The following ANAPC5 variants were observed in gnomAD, a reference collection of about 807,000 sequenced individuals.
The protein encoded by ANAPC5 is anaphase-promoting complex subunit 5.
In ANAPC5, 60 loss-of-function variants were observed where a neutral mutation model predicts 91.3. The ratio of observed to expected loss-of-function variants is 0.66; its 90% confidence interval spans 0.53 to 0.81. ANAPC5 has a LOEUF of 0.81. Ranked by LOEUF, ANAPC5 falls within the 40% of genes least tolerant of loss-of-function variation. The pLI is 0.00. For synonymous variants in ANAPC5, 340 were observed against 364.1 expected (o/e 0.93, Z 0.75); for missense variants, 690 against 931.5 (o/e 0.74, Z 3.37).
intron 16 of ANAPC5, among the ~76,000 whole-genome samples, chr12:121,309,259 A>AC (rs1357575308): frequency 1.3e-5 from 2 of 150,032 alleles, no homozygotes; most frequent in African/African-American, 4.9e-5. Flanking sequence ...GATCAGCCTG[A>AC]CCAACATGGA....
At chr12:121,324,207 G>C (rs1902723038) in intron 11 of ANAPC5, among the ~76,000 whole-genome samples, 1 of 152,044 alleles carries the variant, frequency 6.6e-6, no homozygotes, top group Non-Finnish European at 1.5e-5. Flanking sequence ...CTCTGCAGCT[G>C]GCCAAACTTA....
At chr12:121,312,696 G>T (rs1018030030) in intron 15 of ANAPC5, among the ~76,000 whole-genome samples, 2 of 116,590 alleles carry the variant, frequency 1.7e-5, no homozygotes, top group Admixed American at 1.1e-4. Context: ...GACAGAGCGA[G>T]ACTCTGTCAC....
In ANAPC5 at chr12:121,308,847, G is replaced by A. The variant is rs113776729; in HGVS notation, c.2057-156C>T. Among the ~76,000 whole-genome samples, 16 of 152,262 alleles carry A rather than the reference G, an allele frequency of 1.1e-4. 1 individual carries two copies. The highest frequency in any genetic ancestry group is 3.6e-4 in the African/African-American group (15 of 41,562). ...AGAAAAAACAAACCACTAGGGTGAG[G>A]TTTTCAAAAAGGTCTTTAAGACTGG... On this transcript the variant is annotated intron_variant, in intron 16 of 16. Transcript: ENST00000261819.
At chr12:121,316,723 ACT>A (rs35114805) in intron 15 of ANAPC5, among the ~76,000 whole-genome samples, 5,341 of 123,542 alleles carry the variant, frequency 0.043, 141 homozygotes, top group Middle Eastern at 0.082. Flanking sequence ...ACAGAGCGAG[ACT>A]CTGTCTCAAA....
intron 1 of ANAPC5, 98 bp downstream of exon 1, chr12:121,352,036 T>G: frequency 9.1e-7 from 1 of 1,098,976 alleles, no homozygotes; most frequent in Non-Finnish European, 1.3e-6. Context: ...AGGGAGAGTA[T>G]CTGATGGACA....
chr12:121,329,968 G>A (rs192029502), intron 9 of ANAPC5, among the ~76,000 whole-genome samples: 20 of 152,168 alleles, frequency 1.3e-4, no homozygotes, highest in African/African-American at 3.9e-4. Flanking sequence ...TATAATTCAC[G>A]GCCTTCCCTA....
At chr12:121,319,195 C>T (rs1009266454) in intron 13 of ANAPC5, among the ~76,000 whole-genome samples, 4 of 151,550 alleles carry the variant, frequency 2.6e-5, no homozygotes, top group Admixed American at 6.6e-5. Flanking sequence ...ATGATTATCT[C>T]TGGGAGATAC....
intron 15 of ANAPC5, among the ~76,000 whole-genome samples, chr12:121,317,396 G>A (rs1430032405): frequency 6.6e-6 from 1 of 151,876 alleles, no homozygotes; most frequent in African/African-American, 2.4e-5. Flanking sequence ...TGGGATTACA[G>A]GCACGTGCCA....
chr12:121,342,115 T>C lies in ANAPC5; in HGVS notation c.591-46A>G. 1 of 1,341,324 alleles carries C rather than the reference T, an allele frequency of 7.5e-7. No individual in the cohort carries two copies. The highest frequency in any genetic ancestry group is 1.0e-6 in the Non-Finnish European group (1 of 963,944). The allele number at this position is 1,341,324 out of a possible 1,614,324, so 83.1% of individuals were successfully genotyped here. A position where few individuals can be genotyped will look rare whatever the true frequency, so the allele number is the denominator to read the frequency against. On this transcript the variant is annotated intron_variant, in intron 4 of 16. Transcript: ENST00000261819. This position sits in a 1 kb window ranked among gnomAD's most constrained non-coding sequence, Gnocchi z 4.1. ...AAAATAGTAAAGAATTACACAAAAG[T>C]AAAAATGATAACATTTATAAAATCA...
chr12:121,335,767 C>G, intron 6 of ANAPC5, 44 bp from the exon 7 acceptor site: 1 of 1,527,226 alleles, frequency 6.5e-7, no homozygotes. Context: ...CTGTAAATAT[C>G]TCTGGTGTAA....
At chr12:121,335,785 G>A in intron 6 of ANAPC5, 62 bp from the exon 7 acceptor site, 1 of 1,397,860 alleles carries the variant, frequency 7.2e-7, no homozygotes, top group South Asian at 1.3e-5. Context: ...TAAGACAACT[G>A]CAGAGAGTTC....
intron 11 of ANAPC5, among the ~76,000 whole-genome samples, chr12:121,324,774 C>G (rs1261551826): frequency 6.6e-6 from 1 of 152,118 alleles, no homozygotes; most frequent in Non-Finnish European, 1.5e-5. Context: ...AGGTGGTGTG[C>G]ACCTGTAGTC....
intron 8 of ANAPC5, 29 bp downstream of exon 8, chr12:121,331,305 CAACCCGTGAACAA>C: frequency 6.5e-7 from 1 of 1,540,690 alleles, no homozygotes; most frequent in Non-Finnish European, 8.9e-7. Context: ...AAGGCCAATT[CAACCCGTGAACAA>C]AACTCCCAAG....
chr12:121,331,617 A>G (rs1903045890), intron 7 of ANAPC5, 189 bp from the exon 8 acceptor site: 1 of 439,696 alleles, frequency 2.3e-6, no homozygotes. Flanking sequence ...CAGTGGAAAT[A>G]TAGGACATGT....
In ANAPC5 at chr12:121,327,755, C is replaced by T. The variant is rs553697046; in HGVS notation, c.1305-524G>A. 13 of 155,346 alleles carry T rather than the reference C, an allele frequency of 8.4e-5. No homozygotes were observed. The South Asian group carries it at 1.8e-3, about 21-fold the overall frequency. The allele number at this position is 155,346 out of a possible 1,614,324, so 9.6% of individuals were successfully genotyped here. A position where few individuals can be genotyped will look rare whatever the true frequency, so the allele number is the denominator to read the frequency against. On this transcript the variant is annotated intron_variant, in intron 10 of 16. Coordinates refer to ENST00000261819, the MANE Select transcript of ANAPC5 (RefSeq NM_016237.5). Reference sequence around the variant, plus strand: ...GCGACAGAACTCCAGGATTAAAATGCGGCAACAAAGTTTACTTCCAGGCTA... The same window carrying T: ...GCGACAGAACTCCAGGATTAAAATGTGGCAACAAAGTTTACTTCCAGGCTA...
intron 8 of ANAPC5, 166 bp from the exon 9 acceptor site, chr12:121,330,838 A>C (rs1555272828): frequency 7.2e-6 from 4 of 558,322 alleles, no homozygotes; most frequent in Non-Finnish European, 1.3e-5. Context: ...CAAACATATC[A>C]ACATCATTAA....
chr12:121,319,031 AT>A (rs1370017468), intron 13 of ANAPC5, among the ~76,000 whole-genome samples: 2 of 151,758 alleles, frequency 1.3e-5, no homozygotes, highest in African/African-American at 2.4e-5. Flanking sequence ...AAAAAAAAAA[AT>A]GTTTTTGTTG....
At chr12:121,317,377 C>T (rs919013048) in intron 15 of ANAPC5, among the ~76,000 whole-genome samples, 1 of 151,854 alleles carries the variant, frequency 6.6e-6, no homozygotes, top group Non-Finnish European at 1.5e-5. Flanking sequence ...CCTCAGCCTC[C>T]CGAGTGGCTG....
chr12:121,318,729 T>C (rs1902470281), intron 13 of ANAPC5, 121 bp from the exon 14 acceptor site: 1 of 939,354 alleles, frequency 1.1e-6, no homozygotes, highest in African/African-American at 1.6e-5. Flanking sequence ...ATTTAATTTT[T>C]GTTGAAAGAG....
Sources: allele counts gnomAD v4.1 joint callset (sites outside exome capture counted in the v4.1 genomes callset), GRCh38; gene constraint gnomAD v4.1.1; non-coding constraint Gnocchi (gnomAD v3.1); transcripts MANE v1.5; gene names NCBI Gene and HGNC (gene_info 2026-07-23, HGNC 2026-07-21).